Variants in MARCHF1 observed in about 807,000 individuals in gnomAD.
MARCHF1 encodes membrane associated ring-CH-type finger 1, also known as E3 ubiquitin-protein ligase MARCHF1.
MARCHF1 carries 40 observed loss-of-function variants against 54.2 expected under a neutral mutation model. The ratio of observed to expected loss-of-function variants is 0.74; its 90% confidence interval spans 0.57 to 0.96. The LOEUF is 0.96. Ranked by LOEUF, MARCHF1 falls within the 40% of genes least tolerant of loss-of-function variation. The pLI, the probability that MARCHF1 is intolerant of heterozygous loss-of-function variation, is 0.00. For synonymous variants in MARCHF1, 236 were observed against 236.3 expected (o/e 1.00, Z 0.01); for missense variants, 586 against 656.5 (o/e 0.89, Z 1.17).
chr4:163,911,903 A>G (rs1317516510), intron 3 of MARCHF1, among the ~76,000 whole-genome samples: 1 of 152,158 alleles, frequency 6.6e-6, no homozygotes, highest in Non-Finnish European at 1.5e-5. Context: ...ATAAGAAAAT[A>G]AAGTTCTGTT....
At chr4:163,647,795 A>G (rs1179607247) in intron 5 of MARCHF1, among the ~76,000 whole-genome samples, 3 of 151,900 alleles carry the variant, frequency 2.0e-5, no homozygotes, top group Non-Finnish European at 2.9e-5. Flanking sequence ...ATAAATATGT[A>G]CATTTAAGAA....
chr4:163,890,419 A>G (rs1437443402), intron 3 of MARCHF1, among the ~76,000 whole-genome samples: 1 of 152,148 alleles, frequency 6.6e-6, no homozygotes, highest in East Asian at 1.9e-4. Flanking sequence ...GGACAATAAA[A>G]TGCCAGAAAA....
intron 1 of MARCHF1, among the ~76,000 whole-genome samples, chr4:164,119,998 T>C: frequency 6.6e-6 from 1 of 151,770 alleles, no homozygotes; most frequent in East Asian, 1.9e-4. Context: ...ATGAAGTGAA[T>C]ATATAACAGA....
At chr4:163,855,860 T>G (rs1749756166) in intron 3 of MARCHF1, among the ~76,000 whole-genome samples, 2 of 152,188 alleles carry the variant, frequency 1.3e-5, no homozygotes, top group Non-Finnish European at 2.9e-5. Context: ...GCTTTGTCAT[T>G]TCTTATACTC....
intron 2 of MARCHF1, among the ~76,000 whole-genome samples, chr4:164,066,253 C>G (rs569093359): frequency 6.6e-6 from 1 of 151,982 alleles, no homozygotes; most frequent in Non-Finnish European, 1.5e-5. Context: ...ATGCAGCCAA[C>G]GAGCACACAC....
At chr4:163,650,210 A>C (rs1019052662) in intron 5 of MARCHF1, among the ~76,000 whole-genome samples, 2 of 152,022 alleles carry the variant, frequency 1.3e-5, no homozygotes, top group Admixed American at 1.3e-4. Flanking sequence ...ACTAAACATA[A>C]GCATTTACAT....
At chr4:164,245,309 A>G (rs1398379571) in intron 1 of MARCHF1, among the ~76,000 whole-genome samples, 2 of 151,750 alleles carry the variant, frequency 1.3e-5, no homozygotes, top group African/African-American at 4.8e-5. Context: ...TCAAACCAAT[A>G]AACGTAATCC....
intron 4 of MARCHF1, among the ~76,000 whole-genome samples, chr4:163,796,221 GTTTT>G (rs36039503): frequency 1.2e-5 from 1 of 82,234 alleles, no homozygotes; most frequent in South Asian, 4.8e-4. Context: ...GAAACTTCTA[GTTTT>G]TTTTTTTTTT....
chr4:163,685,823 C>T (rs925221425), intron 5 of MARCHF1, among the ~76,000 whole-genome samples: 14 of 152,106 alleles, frequency 9.2e-5, no homozygotes, highest in Non-Finnish European at 1.8e-4. Context: ...ATCTGTGATG[C>T]CAATTTACAC....
intron 4 of MARCHF1, among the ~76,000 whole-genome samples, chr4:163,766,989 A>C (rs1746995085): frequency 6.6e-6 from 1 of 151,700 alleles, no homozygotes. Flanking sequence ...AATAATAATT[A>C]CTATAGGCCA....
At chr4:163,578,911 C>T (rs539126232) in intron 8 of MARCHF1, among the ~76,000 whole-genome samples, 1 of 152,224 alleles carries the variant, frequency 6.6e-6, no homozygotes, top group African/African-American at 2.4e-5. Flanking sequence ...GGAGGTCTCT[C>T]AGAACAATCA....
intron 4 of MARCHF1, among the ~76,000 whole-genome samples, chr4:163,724,197 G>A (rs941529702): frequency 3.9e-5 from 6 of 152,166 alleles, no homozygotes; most frequent in South Asian, 2.1e-4. Context: ...TGCAGATGGG[G>A]TTTTGGTGTG....
At chr4:164,164,089 A>G (rs961304222) in intron 1 of MARCHF1, among the ~76,000 whole-genome samples, 1 of 152,006 alleles carries the variant, frequency 6.6e-6, no homozygotes, top group Non-Finnish European at 1.5e-5. Context: ...AGCAGTTCTT[A>G]AGAAAGATTA....
At chr4:164,153,321 C>T (rs1560930036) in intron 1 of MARCHF1, among the ~76,000 whole-genome samples, 1 of 152,018 alleles carries the variant, frequency 6.6e-6, no homozygotes, top group Non-Finnish European at 1.5e-5. Context: ...CCATCCCTAC[C>T]CTTTTAAACA....
At chr4:163,555,949 C>T (rs747334261) in intron 8 of MARCHF1, 5 of 455,922 alleles carry the variant, frequency 1.1e-5, no homozygotes, top group African/African-American at 2.0e-5. Context: ...AGACAGTGCT[C>T]GTGTACTAAG....
In MARCHF1 at chr4:163,743,005, G is replaced by A. The variant is rs142362583; in HGVS notation, c.112-42142C>T. 1.8e-3 allele frequency among the ~76,000 whole-genome samples: 278 copies of A among 152,198 alleles called. 2 individuals are homozygous for A. The highest frequency in any genetic ancestry group is 5.9e-3 in the African/African-American group (244 of 41,534). On this transcript the variant is annotated intron_variant, in intron 4 of 9. Transcript: ENST00000514618. ...CTAAAAAATTGACATTTCAATAGTC[G>A]AACTATTGCTATTTAAGTACAGCTT...
chr4:164,260,966 A>G (rs1045822260), intron 1 of MARCHF1, among the ~76,000 whole-genome samples: 1 of 152,224 alleles, frequency 6.6e-6, no homozygotes, highest in Non-Finnish European at 1.5e-5. Context: ...ATTTATGTAT[A>G]TAATCTCATG....
chr4:164,094,541 C>T (rs1204883613), intron 2 of MARCHF1, among the ~76,000 whole-genome samples: 1 of 152,132 alleles, frequency 6.6e-6, no homozygotes, highest in Non-Finnish European at 1.5e-5. Context: ...TTTCATATCA[C>T]TCTTACCTAA....
At chr4:163,718,740 T>A (rs901916778) in intron 4 of MARCHF1, among the ~76,000 whole-genome samples, 2 of 152,206 alleles carry the variant, frequency 1.3e-5, no homozygotes, top group Admixed American at 1.3e-4. Flanking sequence ...ATAGCATGGT[T>A]GGACTTTTGC....
Sources: allele counts gnomAD v4.1 joint callset (sites outside exome capture counted in the v4.1 genomes callset), GRCh38; gene constraint gnomAD v4.1.1; transcripts MANE v1.5; gene names NCBI Gene and HGNC (gene_info 2026-07-23, HGNC 2026-07-21).